The following RHOBTB3 variants were observed in gnomAD, a reference collection of about 807,000 sequenced individuals.
RHOBTB3 encodes rho-related BTB domain-containing protein 3.
A neutral mutation model predicts 67.2 loss-of-function variants in RHOBTB3; 47 were observed. The ratio of observed to expected loss-of-function variants is 0.70; its 90% CI spans 0.55 to 0.89. The LOEUF is 0.89. Among genes scored for constraint, RHOBTB3 ranks in the 40% least tolerant of loss-of-function variants. RHOBTB3 has a pLI of 0.00. For missense variants in RHOBTB3, 631 were observed against 750.0 expected, an observed-to-expected ratio of 0.84 and a Z score of 1.85; for synonymous variants, 273 against 274.2, an observed-to-expected ratio of 1.00 and a Z score of 0.04.
At chr5:95,752,404 T>G in intron 5 of RHOBTB3, 54 bp downstream of exon 5, 1 of 1,139,504 alleles carries the variant, frequency 8.8e-7, no homozygotes, top group Non-Finnish European at 1.3e-6. Context: ...TACAGATCCT[T>G]TCTCACAGGT....
At chr5:95,775,194 A>G (rs1247200451) in intron 8 of RHOBTB3, among the ~76,000 whole-genome samples, 1 of 152,044 alleles carries the variant, frequency 6.6e-6, no homozygotes, top group Non-Finnish European at 1.5e-5. Context: ...TCTTGTCATT[A>G]TCTGAAAACT....
chr5:95,741,335 A>G (rs149465369), intron 3 of RHOBTB3, among the ~76,000 whole-genome samples: 1 of 151,296 alleles, frequency 6.6e-6, no homozygotes, highest in Non-Finnish European at 1.5e-5. Flanking sequence ...CTAAAAAAAA[A>G]AAAAGAAAAG....
At chr5:95,791,720 T>C (rs931014953) in intron 11 of RHOBTB3, among the ~76,000 whole-genome samples, 1 of 152,088 alleles carries the variant, frequency 6.6e-6, no homozygotes, top group Non-Finnish European at 1.5e-5. Context: ...TTTCTTTTTT[T>C]TTTTTAGTAG....
chr5:95,742,214 A>G (rs540106026), intron 3 of RHOBTB3, among the ~76,000 whole-genome samples: 1 of 152,340 alleles, frequency 6.6e-6, no homozygotes, highest in South Asian at 2.1e-4. Context: ...TTAATTGGCT[A>G]GAGCTAGGGA....
intron 1 of RHOBTB3, among the ~76,000 whole-genome samples, chr5:95,724,796 G>T (rs1470212368): frequency 1.3e-5 from 2 of 152,108 alleles, no homozygotes; most frequent in African/African-American, 4.8e-5. Flanking sequence ...GATAATAATA[G>T]AACCTACTCC....
At chr5:95,720,331 T>TC (rs74332388) in intron 1 of RHOBTB3, among the ~76,000 whole-genome samples, 1 of 29,542 alleles carries the variant, frequency 3.4e-5, no homozygotes, top group Non-Finnish European at 4.9e-5. Flanking sequence ...TTTAGATCAA[T>TC]TCACTTCCTG....
chr5:95,762,126 C>G (rs1041196999), intron 6 of RHOBTB3, among the ~76,000 whole-genome samples: 5 of 152,158 alleles, frequency 3.3e-5, no homozygotes, highest in Non-Finnish European at 5.9e-5. Context: ...TTTATCATCC[C>G]CATTTCCTTG....
chr5:95,723,331 G>A (rs1379826107), intron 1 of RHOBTB3, among the ~76,000 whole-genome samples: 2 of 152,230 alleles, frequency 1.3e-5, no homozygotes, highest in Non-Finnish European at 2.9e-5. Flanking sequence ...TTCTCACTTG[G>A]ACTTCTGCAA....
intron 2 of RHOBTB3, among the ~76,000 whole-genome samples, chr5:95,734,692 A>G (rs550377918): frequency 1.3e-5 from 2 of 152,094 alleles, no homozygotes; most frequent in African/African-American, 4.8e-5. Context: ...TCACGTTTCT[A>G]TATCTTTTAC....
chr5:95,765,785 C>A (rs1035896952), intron 7 of RHOBTB3, among the ~76,000 whole-genome samples: 1 of 152,200 alleles, frequency 6.6e-6, no homozygotes, highest in African/African-American at 2.4e-5. Context: ...CCTCAGCCTC[C>A]CGAGTAGTTG....
intron 6 of RHOBTB3, among the ~76,000 whole-genome samples, chr5:95,757,633 T>C (rs1048865578): frequency 1.3e-5 from 2 of 152,236 alleles, no homozygotes; most frequent in Admixed American, 6.5e-5. Context: ...AAAACTTAAA[T>C]TATGATTTTG....
chr5:95,753,115 C>T (rs1745139130), intron 5 of RHOBTB3, among the ~76,000 whole-genome samples: 1 of 151,158 alleles, frequency 6.6e-6, no homozygotes, highest in Admixed American at 6.6e-5. Context: ...CTGGCCTGGG[C>T]GACAGAGCAA....
intron 8 of RHOBTB3, among the ~76,000 whole-genome samples, chr5:95,774,148 T>G (rs1057309654): frequency 6.6e-6 from 1 of 152,198 alleles, no homozygotes; most frequent in African/African-American, 2.4e-5. Context: ...TTCCATATTA[T>G]GAACATTTTT....
intron 10 of RHOBTB3, among the ~76,000 whole-genome samples, chr5:95,784,358 C>T (rs1215985094): frequency 1.3e-5 from 2 of 152,142 alleles, no homozygotes; most frequent in Admixed American, 1.3e-4. Flanking sequence ...ATACTGATAG[C>T]GATGGTTAAG....
At chr5:95,730,930 G>C, upstream of RHOBTB3, 1 of 461,336 alleles carries the variant, frequency 2.2e-6, no homozygotes, top group Non-Finnish European at 4.3e-6. Flanking sequence ...AAGAGGGGGG[G>C]AAATCGGGTT....
chr5:95,748,256 T>G, intron 3 of RHOBTB3, 77 bp from the exon 4 acceptor site: 2 of 1,090,448 alleles, frequency 1.8e-6, no homozygotes, highest in Non-Finnish European at 2.6e-6. Flanking sequence ...CTTTGTTGTT[T>G]AATGTTCAGA....
intron 6 of RHOBTB3, among the ~76,000 whole-genome samples, chr5:95,757,860 A>G (rs72783472): frequency 1.2e-3 from 177 of 152,340 alleles, no homozygotes; most frequent in Admixed American, 2.0e-3. Context: ...CAGTAAGCCA[A>G]ACTATTTAAA....
intron 10 of RHOBTB3, among the ~76,000 whole-genome samples, chr5:95,784,759 A>G (rs975670434): frequency 1.2e-4 from 18 of 152,270 alleles, no homozygotes; most frequent in African/African-American, 4.3e-4. Flanking sequence ...AACCTGCCAA[A>G]TCCTTATTCC....
chr5:95,741,327 A>T (rs1350137561), intron 3 of RHOBTB3, among the ~76,000 whole-genome samples: 3 of 141,432 alleles, frequency 2.1e-5, no homozygotes, highest in African/African-American at 5.3e-5. Flanking sequence ...GACTCTGACT[A>T]AAAAAAAAAA....
Sources: allele counts gnomAD v4.1 joint callset (sites outside exome capture counted in the v4.1 genomes callset), GRCh38; gene constraint gnomAD v4.1.1; transcripts MANE v1.5; gene names NCBI Gene and HGNC (gene_info 2026-07-23, HGNC 2026-07-21).